The following CNOT1 variants were observed in gnomAD, a reference collection of about 807,000 sequenced individuals.
CNOT1 encodes CCR4-associated factor 1.
A neutral mutation model predicts 273.8 loss-of-function variants in CNOT1; 15 were observed. The observed-to-expected ratio is 0.05, with a 90% CI of 0.04 to 0.08. The LOEUF (loss-of-function observed/expected upper bound fraction) is 0.08. Among genes scored for constraint, CNOT1 ranks in the 10% least tolerant of loss-of-function variants. CNOT1 has a pLI of 1.00. For synonymous variants in CNOT1, 1,022 were observed against 1,005.5 expected, an observed-to-expected ratio of 1.02 and a Z score of -0.31; for missense variants, 1,644 against 2,912.2, an observed-to-expected ratio of 0.56 and a Z score of 10.02.
Position 58,543,592 on chromosome 16 carries a change from A to G in CNOT1, c.4434+15T>C, listed in dbSNP as rs773140707. ...AATACGTTTTGTACCTATACCAAGG[A>G]AATAGCCAACTTACACGAAGGGCTG... On this transcript the variant is annotated intron_variant, in intron 31 of 48. Coordinates refer to ENST00000317147, the MANE Select transcript of CNOT1 (RefSeq NM_016284.5). 31 of 1,614,054 alleles carry G rather than the reference A, an allele frequency of 1.9e-5. No homozygotes were observed. In the Middle Eastern group the frequency reaches 4.9e-4, roughly 26 times the overall value.
chr16:58,576,999 G>A (rs1370603333), intron 13 of CNOT1, among the ~76,000 whole-genome samples: 1 of 152,046 alleles, frequency 6.6e-6, no homozygotes, highest in African/African-American at 2.4e-5. Flanking sequence ...GTATAGTGTT[G>A]GATGTATCAC....
intron 13 of CNOT1, among the ~76,000 whole-genome samples, chr16:58,577,268 T>TATTC (rs1346038408): frequency 2.0e-5 from 3 of 152,192 alleles, no homozygotes; most frequent in African/African-American, 7.2e-5. Flanking sequence ...CTAGAACAAG[T>TATTC]ATTCAATCAC....
intron 16 of CNOT1, among the ~76,000 whole-genome samples, 190 bp from the exon 17 acceptor site, chr16:58,560,552 C>G (rs1318879477): frequency 2.6e-5 from 4 of 151,996 alleles, no homozygotes; most frequent in Admixed American, 1.3e-4. Flanking sequence ...TCTGCCTCAG[C>G]CTCCCGAGTA....
At chr16:58,627,985 G>A (rs1195599906) in intron 1 of CNOT1, among the ~76,000 whole-genome samples, 3 of 152,156 alleles carry the variant, frequency 2.0e-5, no homozygotes, top group East Asian at 3.9e-4. Flanking sequence ...CTGCCACCAC[G>A]CCCGGCTAAT....
chr16:58,555,639 A>G (rs1220836608), intron 20 of CNOT1, 102 bp from the exon 21 acceptor site: 14 of 1,538,282 alleles, frequency 9.1e-6, no homozygotes, highest in Middle Eastern at 2.4e-4. Flanking sequence ...AACATTTACC[A>G]AAAGAGCTTG....
At chr16:58,539,681 TA>T (rs2040029717) in intron 35 of CNOT1, 86 bp downstream of exon 35, 2 of 1,304,424 alleles carry the variant, frequency 1.5e-6, no homozygotes, top group Non-Finnish European at 2.1e-6. Context: ...ATCTTAAGCA[TA>T]ACTGCATAAA....
At chr16:58,553,190 T>C (rs1351625131) in intron 22 of CNOT1, among the ~76,000 whole-genome samples, 2 of 152,066 alleles carry the variant, frequency 1.3e-5, no homozygotes, top group Middle Eastern at 3.4e-3. Flanking sequence ...GAGAATCACT[T>C]GAACCCAGGA....
At chr16:58,530,677 T>C (rs375520332) in intron 42 of CNOT1, 35 of 163,120 alleles carry the variant, frequency 2.1e-4, no homozygotes, top group African/African-American at 7.7e-4. Context: ...CCAGCTACTC[T>C]GGAGGCTGAG....
intron 2 of CNOT1, among the ~76,000 whole-genome samples, chr16:58,592,515 T>C (rs898070097): frequency 2.0e-5 from 3 of 151,978 alleles, no homozygotes; most frequent in African/African-American, 4.8e-5. Flanking sequence ...GAGCTGGAGG[T>C]TGCAGCGTGC....
Position 58,532,494 on chromosome 16 carries a change from T to C in CNOT1, c.5896-99A>G, listed in dbSNP as rs973875137. The C allele has an allele frequency of 4.7e-6, 7 of 1,504,138 alleles. No individual in the cohort carries two copies. In the African/African-American group the frequency reaches 9.8e-5, roughly 21 times the overall value. The allele number at this position is 1,504,138 out of a possible 1,614,324, so 93.2% of individuals were successfully genotyped here. Reference sequence around the variant, plus strand: ...AACTTTGCATTCTTAAACCCAACATTAAAGGAAAGCATATATACAATTTGA... The same window carrying C: ...AACTTTGCATTCTTAAACCCAACATCAAAGGAAAGCATATATACAATTTGA... On this transcript the variant is annotated intron_variant, in intron 40 of 48. Transcript: ENST00000317147.
chr16:58,541,620 C>A lies in CNOT1; in HGVS notation c.4681G>T (p.Val1561Phe). The A allele has an allele frequency of 6.2e-7, 1 of 1,610,360 alleles. No homozygotes were observed. Among genetic ancestry groups the A allele is most frequent in the Non-Finnish European group, 8.5e-7 (1 of 1,178,876 alleles). Residue 1561 changes from valine (V) to phenylalanine (F), a missense_variant and splice_region_variant, in exon 34 of 49, where the codon GTT (valine) becomes TTT (phenylalanine). This residue lies in a region of CNOT1 where 170 missense variants were observed against 273.1 expected (regional missense o/e 0.62). Transcript: ENST00000317147. The part of the protein sequence containing the change: ...ERMPEQIRLK[V>F]GGVDPKQLAV... ...AACTGCTTTGGGTCCACACCACCAA[C>A]CTTGAAAGAAGAAAACCTATTTTGA...
chr16:58,551,383 G>A, intron 23 of CNOT1, 111 bp from the exon 24 acceptor site: 1 of 1,283,974 alleles, frequency 7.8e-7, no homozygotes, highest in Non-Finnish European at 1.1e-6. Context: ...GTATGACTGT[G>A]TATTAGAAAT....
chr16:58,546,304 C>A lies in CNOT1; in HGVS notation c.4006+17G>T. 6.2e-7 allele frequency: 1 copy of A among 1,605,800 alleles called. No individual in the cohort carries two copies. Among genetic ancestry groups the A allele is most frequent in the Non-Finnish European group, 8.5e-7 (1 of 1,173,942 alleles). ...CCTAGCTAACAGAAGCCTTCCTTGA[C>A]TAATTAGCACACTTACTTGTGGTTG... is the stretch of plus-strand genomic sequence containing the variant. On this transcript the variant is annotated intron_variant, in intron 29 of 48. Transcript: ENST00000317147.
chr16:58,581,914 C>T (rs909413362), intron 10 of CNOT1, among the ~76,000 whole-genome samples: 1 of 152,052 alleles, frequency 6.6e-6, no homozygotes, highest in East Asian at 1.9e-4. Context: ...CCACCTGCCT[C>T]GGCCTCCCAA....
At chr16:58,597,176 G>A (rs1235995219) in intron 2 of CNOT1, among the ~76,000 whole-genome samples, 3 of 151,640 alleles carry the variant, frequency 2.0e-5, no homozygotes, top group South Asian at 2.1e-4. Context: ...TCAGCCAGGC[G>A]TGATGGCTCA....
intron 16 of CNOT1, among the ~76,000 whole-genome samples, chr16:58,573,851 C>A (rs2041371359): frequency 6.6e-6 from 1 of 151,700 alleles, no homozygotes. Context: ...TTTTAAAAAA[C>A]AACAAAGCTG....
intron 2 of CNOT1, 130 bp downstream of exon 2, chr16:58,599,106 C>A: frequency 1.6e-5 from 14 of 884,370 alleles, no homozygotes; most frequent in Non-Finnish European, 2.2e-5. Context: ...ATGATGATGA[C>A]AGAAATCACT....
chr16:58,578,591 A>C (rs2041549332), intron 13 of CNOT1, 108 bp downstream of exon 13: 3 of 1,485,040 alleles, frequency 2.0e-6, no homozygotes, highest in Non-Finnish European at 2.7e-6. Flanking sequence ...TTAAAGTCAT[A>C]ATAATTCAGA....
At chr16:58,575,315 G>T (rs2041419895) in intron 14 of CNOT1, among the ~76,000 whole-genome samples, 186 bp from the exon 15 acceptor site, 1 of 152,108 alleles carries the variant, frequency 6.6e-6, no homozygotes, top group South Asian at 2.1e-4. Flanking sequence ...CTAAAATAAT[G>T]ATCACATTTT....
Sources: gnomAD v4.1 joint callset for allele counts (sites outside exome capture counted in the v4.1 genomes callset) on GRCh38, gnomAD v4.1.1 for gene constraint, gnomAD v4.1.1 regional missense constraint, MANE v1.5 for transcripts, NCBI Gene and HGNC (gene_info 2026-07-23, HGNC 2026-07-21) for gene names.